OLFM3: variants seen among roughly 807,000 people sequenced by gnomAD.
The protein encoded by OLFM3 is olfactomedin 3.
A neutral mutation model predicts 48.6 loss-of-function variants in OLFM3; 20 were observed. The ratio of observed to expected loss-of-function variants is 0.41; its 90% confidence interval spans 0.29 to 0.60. The LOEUF (loss-of-function observed/expected upper bound fraction) is 0.60, where lower values mean the gene tolerates loss of function less well. Ranked by LOEUF, OLFM3 falls within the 20% of genes least tolerant of loss-of-function variation. The pLI, the probability that OLFM3 is intolerant of heterozygous loss-of-function variation, is 0.28. For synonymous variants in OLFM3, 222 were observed against 198.1 expected, an observed-to-expected ratio of 1.12 and a Z score of -1.01; for missense variants, 437 against 544.3, an observed-to-expected ratio of 0.80 and a Z score of 1.96.
At chr1:101,967,876 C>G (rs1437536925) in intron 1 of OLFM3, among the ~76,000 whole-genome samples, 1 of 151,552 alleles carries the variant, frequency 6.6e-6, no homozygotes, top group Non-Finnish European at 1.5e-5. Context: ...TCAGAGTATT[C>G]TTCCGCCCCC....
intron 1 of OLFM3, among the ~76,000 whole-genome samples, chr1:101,860,874 A>G (rs546660268): frequency 6.6e-6 from 1 of 152,036 alleles, no homozygotes; most frequent in African/African-American, 2.4e-5. Flanking sequence ...CAGGGTTGTC[A>G]AGAGGCTTAA....
At chr1:101,987,435 G>A (rs1305208576) in intron 1 of OLFM3, among the ~76,000 whole-genome samples, 1 of 152,110 alleles carries the variant, frequency 6.6e-6, no homozygotes, top group Non-Finnish European at 1.5e-5. Flanking sequence ...TCTTTAGAGA[G>A]TCTTGAGCCA....
intron 2 of OLFM3, among the ~76,000 whole-genome samples, chr1:101,831,083 A>C (rs1655127884): frequency 6.6e-6 from 1 of 152,216 alleles, no homozygotes. Flanking sequence ...AAATGGGCTT[A>C]ATACATTAGA....
chr1:101,961,454 GA>G (rs2101084073), intron 1 of OLFM3, among the ~76,000 whole-genome samples: 1 of 151,986 alleles, frequency 6.6e-6, no homozygotes, highest in Non-Finnish European at 1.5e-5. Flanking sequence ...TAGTGAAAAA[GA>G]GTAGAGATAT....
At chr1:101,940,862 C>G (rs1025960637) in intron 1 of OLFM3, among the ~76,000 whole-genome samples, 1 of 151,830 alleles carries the variant, frequency 6.6e-6, no homozygotes, top group Non-Finnish European at 1.5e-5. Context: ...TTAAATCTAA[C>G]TGAATCCAAC....
chr1:101,887,238 C>T (rs1305225885), intron 1 of OLFM3, among the ~76,000 whole-genome samples: 1 of 151,062 alleles, frequency 6.6e-6, no homozygotes, highest in Non-Finnish European at 1.5e-5. Flanking sequence ...GAAAAAAAAA[C>T]TTTATTGTGG....
At position 101,804,839 on chromosome 1, in the gene OLFM3, G is replaced by T; in HGVS notation, c.776C>A (p.Ala259Asp). ...YKSIADFVSG[A>D]ESRTYNLPFK... ...AGGAAGGTTGTATGTCCTTGATTCA[G>T]CCCCACTGACAAAGTCTGCAATTGA... Residue 259 changes from alanine to aspartate, a missense_variant, in exon 6 of 6, where the codon GCT (alanine) becomes GAT (aspartate). Transcript: ENST00000370103. The surrounding 1 kb of genome is among the most constrained non-coding windows in gnomAD (Gnocchi z 4.5). 3 of 1,612,410 alleles carry T rather than the reference G, an allele frequency of 1.9e-6. No homozygotes were observed. The highest frequency in any genetic ancestry group is 2.5e-6 in the Non-Finnish European group (3 of 1,179,006).
chr1:101,866,858 A>C (rs886509430), intron 1 of OLFM3, among the ~76,000 whole-genome samples: 1 of 152,208 alleles, frequency 6.6e-6, no homozygotes, highest in Admixed American at 6.5e-5. Flanking sequence ...TGTGTGATTT[A>C]AAATATTTAT....
chr1:101,898,512 G>A (rs1235869392), intron 1 of OLFM3, among the ~76,000 whole-genome samples: 3 of 152,050 alleles, frequency 2.0e-5, no homozygotes, highest in East Asian at 1.9e-4. Context: ...GCAGTTTGGG[G>A]AACTAATTTA....
chr1:101,933,221 A>G (rs1570643216), intron 1 of OLFM3, among the ~76,000 whole-genome samples: 2 of 149,958 alleles, frequency 1.3e-5, no homozygotes, highest in African/African-American at 4.9e-5. Flanking sequence ...AAAAAAAAAA[A>G]AAAAAAAAGA....
intron 1 of OLFM3, among the ~76,000 whole-genome samples, chr1:101,913,364 T>C (rs7526689): frequency 0.43 from 65,803 of 152,034 alleles, 14,344 homozygotes; most frequent in East Asian, 0.59. Flanking sequence ...AAGAATGTTA[T>C]AAGAAACATT....
chr1:101,996,800 T>G lies in OLFM3; in HGVS notation c.17A>C (p.Asn6Thr). The G allele has an allele frequency of 6.2e-7, 1 of 1,614,222 alleles. No individual in the cohort carries two copies. The highest frequency in any genetic ancestry group is 1.1e-5 in the South Asian group (1 of 91,090). ...AGACAGCAGCAGGAGGTTGAGAAGG[T>G]TGGACGTCGCCTGCATTCTGATCTG... Reference protein sequence around the residue: MQATSNLLNLLLLSLF... With the variant: MQATSTLLNLLLLSLF... Residue 6 changes from asparagine (N) to threonine (T), a missense_variant, in exon 1 of 6, where the codon AAC becomes ACC. By Grantham distance (65) the Asn-to-Thr change is moderately conservative. This residue lies in a region of OLFM3 where 314 missense variants were observed against 365.5 expected (regional missense o/e 0.86). Transcript: ENST00000370103.
chr1:101,855,691 T>C (rs534224110), intron 1 of OLFM3, among the ~76,000 whole-genome samples: 1 of 152,160 alleles, frequency 6.6e-6, no homozygotes, highest in African/African-American at 2.4e-5. Context: ...AAGGGCTTGG[T>C]CCCCCTGCTT....
intron 1 of OLFM3, among the ~76,000 whole-genome samples, chr1:101,967,590 G>GAAAAAAAAAAAAAAAAA (rs71592233): frequency 0.011 from 476 of 44,560 alleles, 38 homozygotes; most frequent in East Asian, 0.028. Flanking sequence ...CCTAGTCAGT[G>GAAAAAAAAAAAAAAAAA]AAAAAAAAAA....
At chr1:101,856,603 TA>T (rs920676481) in intron 1 of OLFM3, among the ~76,000 whole-genome samples, 5 of 152,044 alleles carry the variant, frequency 3.3e-5, no homozygotes, top group African/African-American at 1.2e-4. Context: ...TGCTACTTAA[TA>T]TTTTTTTGTT....
chr1:101,972,570 T>C (rs1270213756), intron 1 of OLFM3, among the ~76,000 whole-genome samples: 2 of 152,166 alleles, frequency 1.3e-5, no homozygotes, highest in Non-Finnish European at 2.9e-5. Context: ...GATAAGAACA[T>C]TGAGTCCAGA....
chr1:101,939,565 T>G (rs534218569), intron 1 of OLFM3, among the ~76,000 whole-genome samples: 13 of 152,290 alleles, frequency 8.5e-5, no homozygotes, highest in African/African-American at 3.1e-4. Context: ...TTGGAACACC[T>G]GAGAGAGAAG....
intron 1 of OLFM3, among the ~76,000 whole-genome samples, chr1:101,947,838 C>T (rs556571281): frequency 1.4e-4 from 21 of 152,098 alleles, no homozygotes; most frequent in Non-Finnish European, 2.9e-4. Context: ...TAGCTGCTAA[C>T]TTATATGAGC....
rs1654866516 is a variant in OLFM3, at chr1:101,826,346, G to A, written c.373-1101C>T. Among the ~76,000 whole-genome samples the A allele has an allele frequency of 2.0e-5, 3 of 152,188 alleles. No homozygotes were observed. The South Asian group carries it at 6.2e-4, about 32-fold the overall frequency. ...AAATATTTCTTTATTTATTTCAGGA[G>A]TTTGATTCAATTGTGAATTTATTGG... On this transcript the variant is annotated intron_variant, in intron 3 of 5. Coordinates refer to ENST00000370103, the MANE Select transcript of OLFM3 (RefSeq NM_058170.4).
Sources: gnomAD v4.1 joint callset for allele counts (sites outside exome capture counted in the v4.1 genomes callset) on GRCh38, gnomAD v4.1.1 for gene constraint, gnomAD v4.1.1 regional missense constraint, Gnocchi (gnomAD v3.1) non-coding constraint, MANE v1.5 for transcripts, NCBI Gene and HGNC (gene_info 2026-07-23, HGNC 2026-07-21) for gene names.